The following DNER variants were observed in gnomAD, a reference collection of about 807,000 sequenced individuals.
DNER encodes the protein delta and Notch-like epidermal growth factor-related receptor.
DNER carries 33 observed loss-of-function variants against 78.2 expected under a neutral mutation model. That is an observed-to-expected ratio of 0.42 (90% confidence interval 0.32 to 0.56). The LOEUF (loss-of-function observed/expected upper bound fraction) is 0.56, where lower values mean the gene tolerates loss of function less well. DNER is among the 20% of genes least tolerant of loss of function. The pLI is 0.11. For missense variants in DNER, 918 were observed against 975.3 expected, an observed-to-expected ratio of 0.94 and a Z score of 0.78; for synonymous variants, 417 against 384.8, an observed-to-expected ratio of 1.08 and a Z score of -0.98.
chr2:229,530,023 G>A (rs1696274424), intron 5 of DNER, among the ~76,000 whole-genome samples: 1 of 150,796 alleles, frequency 6.6e-6, no homozygotes, highest in African/African-American at 2.4e-5. Context: ...AATGAAGAAG[G>A]TTAATAGAAA....
chr2:229,600,380 T>C (rs924231830), intron 1 of DNER, among the ~76,000 whole-genome samples: 6 of 152,144 alleles, frequency 3.9e-5, no homozygotes, highest in Non-Finnish European at 5.9e-5. Context: ...AGTACAGACT[T>C]TGGGGTTCAC....
intron 4 of DNER, among the ~76,000 whole-genome samples, chr2:229,550,150 A>G (rs1696704192): frequency 6.6e-6 from 1 of 150,924 alleles, no homozygotes; most frequent in African/African-American, 2.4e-5. Context: ...GCGCCACCAC[A>G]CCCAGCTAAT....
intron 1 of DNER, among the ~76,000 whole-genome samples, chr2:229,700,901 A>G (rs1262222631): frequency 6.6e-6 from 1 of 152,210 alleles, no homozygotes; most frequent in Non-Finnish European, 1.5e-5. Context: ...TCAAAAAAAA[A>G]AAAAAAAGAT....
At chr2:229,571,734 TC>T (rs1043791891) in intron 4 of DNER, among the ~76,000 whole-genome samples, 5 of 151,982 alleles carry the variant, frequency 3.3e-5, no homozygotes, top group East Asian at 1.9e-4. Flanking sequence ...TGATGAGACC[TC>T]CCCCCCTGAA....
intron 1 of DNER, among the ~76,000 whole-genome samples, chr2:229,674,446 T>C (rs1699268075): frequency 6.6e-6 from 1 of 152,146 alleles, no homozygotes; most frequent in South Asian, 2.1e-4. Flanking sequence ...ACCTGGCTGA[T>C]TTTTGTATTT....
intron 1 of DNER, among the ~76,000 whole-genome samples, chr2:229,595,749 G>A (rs1335268570): frequency 2.0e-5 from 3 of 152,198 alleles, no homozygotes; most frequent in African/African-American, 7.2e-5. Flanking sequence ...TGCACCGGCA[G>A]TACCCTCTGC....
At position 229,418,949 on chromosome 2, in the gene DNER, T is replaced by C. The variant is rs534434763; in HGVS notation, c.1487-719A>G. On this transcript the variant is annotated intron_variant, in intron 8 of 12. Coordinates refer to ENST00000341772, the MANE Select transcript of DNER (RefSeq NM_139072.4). Reference sequence around the variant, plus strand: ...AAAAAAAACAAAAGAAAACAAAAAGTGTGAGAGCCACATTAGAAAAGTATA... The same window carrying C: ...AAAAAAAACAAAAGAAAACAAAAAGCGTGAGAGCCACATTAGAAAAGTATA... Among the ~76,000 whole-genome samples the C allele has an allele frequency of 1.8e-4, 28 of 151,656 alleles. 1 individual carries two copies. The South Asian group carries it at 5.6e-3, about 30-fold the overall frequency.
intron 1 of DNER, among the ~76,000 whole-genome samples, chr2:229,668,179 G>A (rs1251546168): frequency 1.3e-5 from 2 of 152,122 alleles, no homozygotes; most frequent in South Asian, 2.1e-4. Context: ...GATTCACCTA[G>A]GGGAGATGTT....
At chr2:229,514,582 C>T (rs1457327512) in intron 5 of DNER, among the ~76,000 whole-genome samples, 3 of 152,188 alleles carry the variant, frequency 2.0e-5, no homozygotes, top group Admixed American at 6.5e-5. Flanking sequence ...CAACCTTATG[C>T]TCCTGGAAGG....
intron 1 of DNER, among the ~76,000 whole-genome samples, chr2:229,669,335 C>T (rs1167800341): frequency 1.3e-5 from 2 of 149,562 alleles, no homozygotes; most frequent in African/African-American, 5.0e-5. Context: ...CTGCACGTTC[C>T]GCACATGTAT....
At chr2:229,657,835 C>A (rs151158760) in intron 1 of DNER, among the ~76,000 whole-genome samples, 1 of 152,090 alleles carries the variant, frequency 6.6e-6, no homozygotes, top group African/African-American at 2.4e-5. Flanking sequence ...AGGGAGAAAT[C>A]CATTCAGGAG....
intron 4 of DNER, among the ~76,000 whole-genome samples, chr2:229,563,511 A>G (rs200713680): frequency 0.01 from 1,470 of 142,148 alleles, 19 homozygotes; most frequent in East Asian, 0.059. Context: ...CATCATCAAC[A>G]TCATCATCCC....
At chr2:229,560,212 G>T (rs951230537) in intron 4 of DNER, among the ~76,000 whole-genome samples, 1 of 152,174 alleles carries the variant, frequency 6.6e-6, no homozygotes, top group African/African-American at 2.4e-5. Flanking sequence ...AATGGGATTT[G>T]CTTTTCTCAC....
intron 7 of DNER, among the ~76,000 whole-genome samples, chr2:229,475,980 G>A (rs1695027346): frequency 6.6e-6 from 1 of 152,188 alleles, no homozygotes; most frequent in Non-Finnish European, 1.5e-5. Context: ...GGTGCTGCTT[G>A]CTCAGTCATC....
At chr2:229,684,023 A>G (rs2396697) in intron 1 of DNER, among the ~76,000 whole-genome samples, 55,468 of 151,730 alleles carry the variant, frequency 0.37, 10,676 homozygotes, top group East Asian at 0.7. Flanking sequence ...CTGATACTGA[A>G]ACCCTTTCAA....
intron 6 of DNER, among the ~76,000 whole-genome samples, chr2:229,487,395 G>A (rs1420045925): frequency 1.3e-5 from 2 of 152,180 alleles, no homozygotes; most frequent in South Asian, 2.1e-4. Flanking sequence ...ATAATAAAGT[G>A]CAATATTGAT....
intron 6 of DNER, among the ~76,000 whole-genome samples, chr2:229,484,661 TC>T (rs1695233568): frequency 6.6e-6 from 1 of 152,170 alleles, no homozygotes; most frequent in Non-Finnish European, 1.5e-5. Context: ...TTGTTATACC[TC>T]TGAAGGTGTG....
In DNER at chr2:229,357,690, A is replaced by C. The variant is rs535143494; in HGVS notation, c.*850T>G. 6.6e-6 allele frequency: 1 copy of C among 152,240 alleles called. No individual in the cohort carries two copies. The highest frequency in any genetic ancestry group is 2.4e-5 in the African/African-American group (1 of 41,466). The allele number at this position is 152,240 out of a possible 1,614,324, so 9.4% of individuals were successfully genotyped here. A position where few individuals can be genotyped will look rare whatever the true frequency, so the allele number is the denominator to read the frequency against. ...AATTAGCAAGAATCAGAAGAAGCACATATCAATCAAATACAGCCACAAAAA... is the reference window on the plus strand; with the variant it reads ...AATTAGCAAGAATCAGAAGAAGCACCTATCAATCAAATACAGCCACAAAAA... On this transcript the variant is annotated 3_prime_UTR_variant, in exon 13 of 13. Transcript: ENST00000341772.
intron 1 of DNER, among the ~76,000 whole-genome samples, chr2:229,636,945 A>G (rs73093595): frequency 0.028 from 4,281 of 152,264 alleles, 209 homozygotes; most frequent in African/African-American, 0.098. Context: ...TGATCCCTGA[A>G]ATGACTGAGT....
Sources: allele counts gnomAD v4.1 joint callset (sites outside exome capture counted in the v4.1 genomes callset), GRCh38; gene constraint gnomAD v4.1.1; transcripts MANE v1.5; gene names NCBI Gene and HGNC (gene_info 2026-07-23, HGNC 2026-07-21).